MGAM: variants seen among roughly 807,000 people sequenced by gnomAD.
The protein encoded by MGAM is alpha-1,4-glucosidase.
In MGAM, 253 loss-of-function variants were observed where a neutral mutation model predicts 358.8. The ratio of observed to expected loss-of-function variants is 0.71; its 90% CI spans 0.64 to 0.78. The LOEUF (loss-of-function observed/expected upper bound fraction) is 0.78. Among genes scored for constraint, MGAM ranks in the 30% least tolerant of loss-of-function variants. The pLI is 0.00. For missense variants in MGAM, 3,080 were observed against 3,432.6 expected (o/e 0.90, Z 2.57); for synonymous variants, 1,105 against 1,227.1 (o/e 0.90, Z 2.08).
Position 142,059,985 on chromosome 7 carries a change from A to G in MGAM, c.4059+19A>G, listed in dbSNP as rs753299599. ...GGGAAAGGTATAATCCTAAGCGATGATCCACTAGTCCCCAGCCTGAGGGTG... is the reference window on the plus strand; with the variant it reads ...GGGAAAGGTATAATCCTAAGCGATGGTCCACTAGTCCCCAGCCTGAGGGTG... On this transcript the variant is annotated intron_variant, in intron 33 of 70. Coordinates refer to ENST00000475668, the MANE Select transcript of MGAM (RefSeq NM_001365693.1). The G allele has an allele frequency of 1.3e-6, 2 of 1,581,768 alleles. No homozygotes were observed. Among genetic ancestry groups the G allele is most frequent in the Admixed American group, 3.6e-5 (2 of 55,332 alleles).
chr7:142,068,666 C>T lies in MGAM; in HGVS notation c.5024C>T (p.Ala1675Val). ...VLERNARNVT[A>V]YFPRARWYDY... ...TTTTAGAATGCCAGAAATGTCACTG[C>T]ATATTTCCCTAGAGCCCGTTGGTAC... The change falls in exon 43 of 71, where the codon GCA becomes GTA. Residue 1675 changes from alanine (A) to valine (V), a missense_variant. Ala to Val is a moderately conservative substitution (Grantham distance 64). Coordinates refer to ENST00000475668, the MANE Select transcript of MGAM (RefSeq NM_001365693.1). The T allele has an allele frequency of 6.5e-7, 1 of 1,539,772 alleles. No individual in the cohort carries two copies. Among genetic ancestry groups the T allele is most frequent in the Non-Finnish European group, 8.9e-7 (1 of 1,119,566 alleles).
chr7:142,041,894 TA>T lies in MGAM; in HGVS notation c.2498+1050del, dbSNP rs1563144150. 1.5e-3 allele frequency among the ~76,000 whole-genome samples: 64 copies of T among 44,024 alleles called. 2 individuals carry two copies. The highest frequency in any genetic ancestry group is 0.015 in the East Asian group (35 of 2,410). 28.9% of individuals were successfully genotyped at this position (44,024 alleles called of 152,430 possible). A position where few individuals can be genotyped will look rare whatever the true frequency, so the allele number is the denominator to read the frequency against. Reference sequence around the variant, plus strand: ...ATATTATATATATACGTATAATATATAATATATATATTATATATATACGTAT... The same window carrying T: ...ATATTATATATATACGTATAATATATATATATATATTATATATATACGTAT... On this transcript the variant is annotated intron_variant, in intron 21 of 70. Coordinates refer to ENST00000475668, the MANE Select transcript of MGAM (RefSeq NM_001365693.1).
At position 142,100,815 on chromosome 7, in the gene MGAM, A is replaced by C; in HGVS notation, c.7888A>C (p.Met2630Leu). ...LNTHLSRQKF[M>L]GFKIALDDEG... The stretch of plus-strand genomic sequence containing the variant: ...TGCTCACTGCAGCCGCCAGAAATTC[A>C]TGGGCTTCAAAATTGCCTTGGATGA... The change falls in exon 68 of 71, where the codon ATG (methionine) becomes CTG (leucine). Residue 2630 changes from methionine (M) to leucine (L), a missense_variant. Met to Leu is a conservative substitution (Grantham distance 15). This residue lies in a region of MGAM where 194 missense variants were observed against 172.8 expected (regional missense o/e 1.12). Coordinates refer to ENST00000475668, the MANE Select transcript of MGAM (RefSeq NM_001365693.1). 1.2e-6 allele frequency: 2 copies of C among 1,612,082 alleles called. No homozygotes were observed. The highest frequency in any genetic ancestry group is 1.7e-6 in the Non-Finnish European group (2 of 1,179,216).
At chr7:142,021,815 T>C in intron 6 of MGAM, 78 bp downstream of exon 6, 1 of 1,444,112 alleles carries the variant, frequency 6.9e-7, no homozygotes, top group Non-Finnish European at 9.7e-7. Flanking sequence ...AGGGGGTGTT[T>C]CAACAATATT....
At chr7:142,097,681 G>A in intron 66 of MGAM, 32 bp downstream of exon 66, 1 of 1,569,748 alleles carries the variant, frequency 6.4e-7, no homozygotes, top group Non-Finnish European at 8.8e-7. Context: ...TACAACACGG[G>A]AAAATGGTAG....
Position 142,036,943 on chromosome 7 carries a change from CG to C in MGAM, c.2198del (p.Arg733GlnfsTer45). On this transcript the variant is annotated frameshift_variant, in exon 18 of 71. Coordinates refer to ENST00000475668, the MANE Select transcript of MGAM (RefSeq NM_001365693.1). LOFTEE classifies it high-confidence loss of function. ...CACCCTCTTCTTCCGTGCTCACAGCCGAGGGGACACGGTGGCCAGGCCCCTT... is the reference window on the plus strand; with the variant it reads ...CACCCTCTTCTTCCGTGCTCACAGCCAGGGGACACGGTGGCCAGGCCCCTT... ...LYTLFFRAHS[R>X]GDTVARPLLH... 1 of 1,613,616 alleles carries C rather than the reference CG, an allele frequency of 6.2e-7. No individual in the cohort carries two copies.
intron 21 of MGAM, among the ~76,000 whole-genome samples, chr7:142,043,042 A>G (rs192025500): frequency 0.012 from 1,156 of 92,516 alleles, 24 homozygotes; most frequent in Middle Eastern, 0.027. Flanking sequence ...TAATATCTAA[A>G]TATAATATCT....
In MGAM at chr7:142,065,911, C is replaced by G. The variant is rs552368281; in HGVS notation, c.4770+80C>G. The G allele has an allele frequency of 4.5e-5, 48 of 1,062,756 alleles. 1 individual carries two copies. In the African/African-American group the frequency reaches 6.7e-4, roughly 15 times the overall value. The allele number at this position is 1,062,756 out of a possible 1,614,324, so 65.8% of individuals were successfully genotyped here. The stretch of plus-strand genomic sequence containing the variant: ...ATTTCTGTGCTAAAAGTAATGCAGT[C>G]TCTATTTCCTGGGATATCTTTAAAA... On this transcript the variant is annotated intron_variant, in intron 40 of 70. Transcript: ENST00000475668.
At chr7:142,046,266 T>C (rs1368371952) in intron 21 of MGAM, among the ~76,000 whole-genome samples, 1 of 151,436 alleles carries the variant, frequency 6.6e-6, no homozygotes, top group African/African-American at 2.4e-5. Flanking sequence ...GAAAATTTTA[T>C]TATCTGAAAT....
In MGAM at chr7:142,103,209, G is replaced by C. The variant is rs967840664; in HGVS notation, c.8014-60G>C. On this transcript the variant is annotated intron_variant, in intron 69 of 70. Coordinates refer to ENST00000475668, the MANE Select transcript of MGAM (RefSeq NM_001365693.1). ...TGACCTACATTTGTGCCTAAAAAGA[G>C]GTTAGAAAAATTTGAACTAATTCTG... The C allele has an allele frequency of 4.9e-5, 68 of 1,376,868 alleles. No homozygotes were observed. In the Middle Eastern group the frequency reaches 1.3e-3, roughly 27 times the overall value. 85.3% of individuals were successfully genotyped at this position (1,376,868 alleles called of 1,614,324 possible). A position where few individuals can be genotyped will look rare whatever the true frequency, so the allele number is the denominator to read the frequency against.
intron 16 of MGAM, among the ~76,000 whole-genome samples, chr7:142,035,190 A>C (rs889199413): frequency 2.6e-5 from 4 of 152,170 alleles, no homozygotes; most frequent in Admixed American, 2.0e-4. Flanking sequence ...GAACTATAAC[A>C]TTGCCAGCAC....
rs776681233 is a variant in MGAM at position 142,073,833 on chromosome 7, G to A, written c.5187-252G>A. On this transcript the variant is annotated intron_variant, in intron 44 of 70. Transcript: ENST00000475668. Reference sequence around the variant, plus strand: ...AGAAGCAGCTTTTATTTGAGCTATTGCAGTGCCTCTGGTGCTTAAATTCTT... The same window carrying A: ...AGAAGCAGCTTTTATTTGAGCTATTACAGTGCCTCTGGTGCTTAAATTCTT... Among the ~76,000 whole-genome samples the A allele has an allele frequency of 4.8e-5, 7 of 146,016 alleles. 2 individuals are homozygous for A. Among genetic ancestry groups the A allele is most frequent in the Non-Finnish European group, 7.8e-5 (5 of 64,476 alleles).
At chr7:142,027,335 T>C in intron 9 of MGAM, 108 bp downstream of exon 9, 1 of 910,938 alleles carries the variant, frequency 1.1e-6, no homozygotes, top group Non-Finnish European at 1.7e-6. Flanking sequence ...CTGTTACAAA[T>C]TTGAGATATT....
chr7:142,065,956 TTG>T, intron 40 of MGAM, 125 bp downstream of exon 40: 12 of 762,454 alleles, frequency 1.6e-5, no homozygotes, highest in Non-Finnish European at 2.1e-5. Flanking sequence ...TTTTTTTGTT[TTG>T]TTTTGTTTTG....
chr7:142,078,491 C>T lies in MGAM; in HGVS notation c.5646+21C>T, dbSNP rs754307206. 8 of 1,525,720 alleles carry T rather than the reference C, an allele frequency of 5.2e-6. 1 individual carries two copies. Among genetic ancestry groups the T allele is most frequent in the Admixed American group, 1.8e-5 (1 of 54,636 alleles). 94.5% of individuals were successfully genotyped at this position (1,525,720 alleles called of 1,614,324 possible). A position where few individuals can be genotyped will look rare whatever the true frequency, so the allele number is the denominator to read the frequency against. On this transcript the variant is annotated intron_variant, in intron 48 of 70. Coordinates refer to ENST00000475668, the MANE Select transcript of MGAM (RefSeq NM_001365693.1). ...GGGAGGTAACCATGCTGATGGGGTT[C>T]ATGTGCATGAAAATCTCCACACCTA... is the stretch of plus-strand genomic sequence containing the variant.
rs931629867 is a variant in MGAM at position 142,052,320 on chromosome 7, T to C, written c.2832T>C (p.Leu944=). 1.2e-6 allele frequency: 2 copies of C among 1,607,172 alleles called. No individual in the cohort carries two copies. ...LKVAIITDID[L]LLGEAYTVEW... Reference sequence around the variant, plus strand: ...TTGCCATTATCACAGATATTGATCTTCTCCTGGGAGAAGCATACACAGTGG... The same window carrying C: ...TTGCCATTATCACAGATATTGATCTCCTCCTGGGAGAAGCATACACAGTGG... Residue 944 remains leucine (L), a synonymous_variant, in exon 25 of 71, where the codon CTT becomes CTC. Coordinates refer to ENST00000475668, the MANE Select transcript of MGAM (RefSeq NM_001365693.1).
chr7:142,026,317 G>A (rs1480901329), intron 8 of MGAM, among the ~76,000 whole-genome samples: 1 of 152,126 alleles, frequency 6.6e-6, no homozygotes, highest in African/African-American at 2.4e-5. Flanking sequence ...GACATGTTCT[G>A]TGGTTATGAA....
Position 142,031,857 on chromosome 7 carries a change from A to C in MGAM, c.1584+64A>C. The C allele has an allele frequency of 3.5e-6, 4 of 1,152,936 alleles. No homozygotes were observed. The Admixed American group carries it at 5.2e-5, about 15-fold the overall frequency. The allele number at this position is 1,152,936 out of a possible 1,614,324, so 71.4% of individuals were successfully genotyped here. ...TCAAATTGTGTATATCTGTATCTGT[A>C]TCTTTGAGTCACAGAGCATAGGGAG... On this transcript the variant is annotated intron_variant, in intron 13 of 70. Coordinates refer to ENST00000475668, the MANE Select transcript of MGAM (RefSeq NM_001365693.1).
At chr7:142,013,792 C>T (rs1196085576) in intron 3 of MGAM, among the ~76,000 whole-genome samples, 2 of 152,208 alleles carry the variant, frequency 1.3e-5, no homozygotes, top group Non-Finnish European at 2.9e-5. Context: ...CTACCCATTA[C>T]ACTGGTCAGC....
Sources: gnomAD v4.1 joint callset for allele counts (sites outside exome capture counted in the v4.1 genomes callset) on GRCh38, gnomAD v4.1.1 for gene constraint, gnomAD v4.1.1 regional missense constraint, MANE v1.5 for transcripts, NCBI Gene and HGNC (gene_info 2026-07-23, HGNC 2026-07-21) for gene names.